The following PTPN21 variants were observed in gnomAD, a reference collection of about 807,000 sequenced individuals.
PTPN21 encodes tyrosine-protein phosphatase non-receptor type 21.
Under a neutral mutation model 131.8 loss-of-function variants are expected in PTPN21, and 77 were observed. The ratio of observed to expected loss-of-function variants is 0.58; its 90% confidence interval spans 0.49 to 0.71. The LOEUF is 0.71. Among genes scored for constraint, PTPN21 ranks in the 30% least tolerant of loss-of-function variants. The probability of loss-of-function intolerance (pLI) is 0.00; values close to 1 mark genes in which losing one functional copy is unlikely to be tolerated. For synonymous variants in PTPN21, 715 were observed against 621.3 expected, an observed-to-expected ratio of 1.15 and a Z score of -2.24; for missense variants, 1,552 against 1,527.1, an observed-to-expected ratio of 1.02 and a Z score of -0.27.
At chr14:88,498,903 AGATTTATTT>A (rs1453327263) in intron 8 of PTPN21, among the ~76,000 whole-genome samples, 4 of 85,920 alleles carry the variant, frequency 4.7e-5, no homozygotes, top group Non-Finnish European at 7.1e-5. Flanking sequence ...CTTCTCCATT[AGATTTATTT>A]ATTTTAAATG....
At chr14:88,518,324 A>ACT (rs2078321546) in intron 2 of PTPN21, among the ~76,000 whole-genome samples, 1 of 111,666 alleles carries the variant, frequency 9.0e-6, no homozygotes, top group African/African-American at 3.2e-5. Context: ...ATATACGTAT[A>ACT]TATACACATA....
rs978169996 is a variant in PTPN21 at position 88,480,281 on chromosome 14, C to G, written c.1150G>C (p.Asp384His). 5 of 1,614,060 alleles carry G rather than the reference C, an allele frequency of 3.1e-6. No individual in the cohort carries two copies. In the Admixed American group the frequency reaches 6.7e-5, roughly 22 times the overall value. The change falls in exon 13 of 19, where the codon GAC becomes CAC. Residue 384 changes from aspartate (D) to histidine (H), a missense_variant. Asp to His is a moderately conservative substitution (Grantham distance 81). Around this residue, in one of 4 missense-constraint regions of PTPN21, gnomAD observed 1,016 missense variants for 883.5 expected, o/e 1.15. Transcript: ENST00000556564. ...CCATTACGGATCCGACCGTTGAGGTCAATCTGGGCTCTATCCAAGCTTGTC... is the reference window on the plus strand; with the variant it reads ...CCATTACGGATCCGACCGTTGAGGTGAATCTGGGCTCTATCCAAGCTTGTC... The part of the protein sequence containing the change: ...SQTSLDRAQI[D>H]LNGRIRNGSV...
At chr14:88,551,077 T>C (rs1013211165) in intron 1 of PTPN21, among the ~76,000 whole-genome samples, 5 of 152,156 alleles carry the variant, frequency 3.3e-5, no homozygotes, top group African/African-American at 1.2e-4. Flanking sequence ...AAATTAACCC[T>C]GAAGGCAAAT....
rs75568368 is a variant in PTPN21, at chr14:88,515,741, C to T, written c.350+1351G>A. Among the ~76,000 whole-genome samples the T allele has an allele frequency of 7.0e-3, 1,067 of 152,316 alleles. 10 individuals carry two copies. The highest frequency in any genetic ancestry group is 0.023 in the African/African-American group (944 of 41,570). On this transcript the variant is annotated intron_variant, in intron 3 of 18. Transcript: ENST00000556564. Reference sequence around the variant, plus strand: ...CATTTATTATCATAGGATACTGTAACTATTTATATGAACTGCCAATTCCAC... The same window carrying T: ...CATTTATTATCATAGGATACTGTAATTATTTATATGAACTGCCAATTCCAC...
At chr14:88,541,636 C>T (rs563167002) in intron 2 of PTPN21, among the ~76,000 whole-genome samples, 7 of 152,272 alleles carry the variant, frequency 4.6e-5, no homozygotes, top group Non-Finnish European at 8.8e-5. Context: ...CTCTGTCCCC[C>T]CTGAGAGGGG....
chr14:88,507,112 C>T (rs1024395776), intron 4 of PTPN21, among the ~76,000 whole-genome samples: 4 of 151,830 alleles, frequency 2.6e-5, no homozygotes, highest in African/African-American at 9.7e-5. Context: ...CACCTGTTCC[C>T]CAAAAACCTA....
intron 2 of PTPN21, among the ~76,000 whole-genome samples, chr14:88,518,386 GTA>G (rs71126987): frequency 0.024 from 233 of 9,684 alleles, 8 homozygotes; most frequent in African/African-American, 0.051. Flanking sequence ...GTGTGTGTGT[GTA>G]TATATATATA....
intron 2 of PTPN21, among the ~76,000 whole-genome samples, chr14:88,548,049 A>C (rs1442776588): frequency 6.6e-6 from 1 of 152,030 alleles, no homozygotes; most frequent in Non-Finnish European, 1.5e-5. Context: ...TTATAGCCCC[A>C]CCATCTACTG....
intron 1 of PTPN21, among the ~76,000 whole-genome samples, chr14:88,553,356 TTAA>T (rs2078890372): frequency 6.6e-6 from 1 of 152,198 alleles, no homozygotes; most frequent in South Asian, 2.1e-4. Flanking sequence ...ATGATTTTGT[TTAA>T]TAATTTACAA....
intron 8 of PTPN21, among the ~76,000 whole-genome samples, chr14:88,498,436 T>C (rs1171873465): frequency 1.3e-5 from 2 of 152,116 alleles, no homozygotes; most frequent in Admixed American, 6.6e-5. Context: ...ATCATTCTCA[T>C]GTGTCAGATT....
In PTPN21 at chr14:88,517,149, T is replaced by C. The variant is rs935341465; in HGVS notation, c.293A>G (p.Tyr98Cys). ...AGGCACATAAAACACCACTCCAAAA[T>C]AGACGGTAGGTTCCAATGCATATTT... Reference protein sequence around the residue: ...LDKYALEPTVYFGVVFYVPSV... With the variant: ...LDKYALEPTVCFGVVFYVPSV... Residue 98 changes from tyrosine to cysteine, a missense_variant, in exon 3 of 19, where the codon TAT (tyrosine) becomes TGT (cysteine). This residue lies in a region of PTPN21 where 206 missense variants were observed against 221.6 expected (regional missense o/e 0.93). Transcript: ENST00000556564. 2 of 1,614,106 alleles carry C rather than the reference T, an allele frequency of 1.2e-6. No individual in the cohort carries two copies. Among genetic ancestry groups the C allele is most frequent in the Non-Finnish European group, 1.7e-6 (2 of 1,179,996 alleles).
intron 6 of PTPN21, among the ~76,000 whole-genome samples, chr14:88,502,784 T>C (rs1225354093): frequency 6.6e-6 from 1 of 152,090 alleles, no homozygotes; most frequent in Admixed American, 6.6e-5. Flanking sequence ...AACCAACTTG[T>C]AGGAGGCCTT....
Position 88,472,385 on chromosome 14 carries a change from A to G in PTPN21, c.2730T>C (p.Asp910=). Residue 910 remains aspartate (D), a synonymous_variant, in exon 15 of 19, where the codon GAT becomes GAC. Transcript: ENST00000556564. ...YERILKKRLV[D]GECSTARLPE... ...GGAGTCGTGCTGTTGAGCACTCCCCATCAACTAGCCGTTTCTTAAGAATTC... is the reference window on the plus strand; with the variant it reads ...GGAGTCGTGCTGTTGAGCACTCCCCGTCAACTAGCCGTTTCTTAAGAATTC... The G allele has an allele frequency of 6.2e-7, 1 of 1,613,966 alleles. No homozygotes were observed. Among genetic ancestry groups the G allele is most frequent in the African/African-American group, 1.3e-5 (1 of 75,050 alleles).
intron 15 of PTPN21, among the ~76,000 whole-genome samples, chr14:88,471,934 A>AT (rs1376930432): frequency 6.6e-6 from 1 of 151,042 alleles, no homozygotes; most frequent in Non-Finnish European, 1.5e-5. Context: ...AAAAAAAAAA[A>AT]GCCGGGCAAA....
rs1443869547 is a variant in PTPN21, at chr14:88,484,957, T to C, written c.1078+119A>G. On this transcript the variant is annotated intron_variant, in intron 12 of 18. Transcript: ENST00000556564. Reference sequence around the variant, plus strand: ...TATGAATCCAGGATAGCTATTATCATGATGCAATTTGGGGTGCAACTTCAG... The same window carrying C: ...TATGAATCCAGGATAGCTATTATCACGATGCAATTTGGGGTGCAACTTCAG... 5 of 746,160 alleles carry C rather than the reference T, an allele frequency of 6.7e-6. No individual in the cohort carries two copies. The South Asian group carries it at 7.7e-5, about 11-fold the overall frequency. 46.2% of individuals were successfully genotyped at this position (746,160 alleles called of 1,614,324 possible). A position where few individuals can be genotyped will look rare whatever the true frequency, so the allele number is the denominator to read the frequency against.
At chr14:88,509,759 G>C (rs563390862) in intron 3 of PTPN21, among the ~76,000 whole-genome samples, 5 of 152,334 alleles carry the variant, frequency 3.3e-5, no homozygotes, top group African/African-American at 1.2e-4. Context: ...GAAAGGGCTG[G>C]GTGCAGCGGC....
At chr14:88,495,978 T>C (rs1041317782) in intron 10 of PTPN21, among the ~76,000 whole-genome samples, 4 of 152,242 alleles carry the variant, frequency 2.6e-5, no homozygotes, top group South Asian at 2.1e-4. Context: ...GAGGGGAGTA[T>C]AGATGAAGGA....
At chr14:88,533,465 T>C (rs112692428) in intron 2 of PTPN21, among the ~76,000 whole-genome samples, 130 of 152,344 alleles carry the variant, frequency 8.5e-4, no homozygotes, top group African/African-American at 2.9e-3. Flanking sequence ...GTGCTACCAA[T>C]TGCACAAAAG....
intron 9 of PTPN21, 90 bp downstream of exon 9, chr14:88,497,112 GC>G (rs2077930235): frequency 2.0e-6 from 2 of 1,014,178 alleles, no homozygotes; most frequent in South Asian, 2.7e-5. Context: ...TTTTAATGCT[GC>G]CCTGCCTCCA....
Sources: allele counts gnomAD v4.1 joint callset (sites outside exome capture counted in the v4.1 genomes callset), GRCh38; gene constraint gnomAD v4.1.1; regional missense constraint gnomAD v4.1.1; transcripts MANE v1.5; gene names NCBI Gene and HGNC (gene_info 2026-07-23, HGNC 2026-07-21).